SPATA1: variants seen among roughly 807,000 people sequenced by gnomAD.
SPATA1 encodes spermatogenesis-associated protein 1.
Under a neutral mutation model 59.6 loss-of-function variants are expected in SPATA1, and 57 were observed. That is an observed-to-expected ratio of 0.96 (90% CI 0.77 to 1.19). SPATA1 has a LOEUF of 1.19. SPATA1 is among the 50% of genes most tolerant of loss of function. The pLI, the probability that SPATA1 is intolerant of heterozygous loss-of-function variation, is 0.00. For synonymous variants in SPATA1, 147 were observed against 163.9 expected (o/e 0.90, Z 0.79); for missense variants, 448 against 480.7 (o/e 0.93, Z 0.64).
At position 84,548,750 on chromosome 1, in the gene SPATA1, C is replaced by CTTTT. The variant is rs56250726; in HGVS notation, c.947-8_947-5dup. On this transcript the variant is annotated intron_variant, in intron 10 of 12. Coordinates refer to ENST00000490879, the Ensembl canonical transcript of SPATA1. The stretch of plus-strand genomic sequence containing the variant: ...TTTAATACTCAAACGAAGGCCTTTC[C>CTTTT]TTTTTTTTTTTTTTTTTTTTTTTTT... 9.8e-5 allele frequency: 90 copies of CTTTT among 915,326 alleles called. 2 individuals are homozygous for CTTTT. In the East Asian group the frequency reaches 1.4e-3, roughly 14 times the overall value. The allele number at this position is 915,326 out of a possible 1,614,324, so 56.7% of individuals were successfully genotyped here. A position where few individuals can be genotyped will look rare whatever the true frequency, so the allele number is the denominator to read the frequency against.
At position 84,532,495 on chromosome 1, in the gene SPATA1, C is replaced by CA. The variant is rs113004820; in HGVS notation, c.545-353dup. Among the ~76,000 whole-genome samples the CA allele has an allele frequency of 4.7e-3, 682 of 145,954 alleles. 1 individual carries two copies. The highest frequency in any genetic ancestry group is 7.8e-3 in the Admixed American group (114 of 14,690). Reference sequence around the variant, plus strand: ...TGGGCGACAGAGCAAGTCTCTATCTCAAAAAAAAAAAATTATATTTCAGGA... The same window carrying CA: ...TGGGCGACAGAGCAAGTCTCTATCTCAAAAAAAAAAAAATTATATTTCAGGA... On this transcript the variant is annotated intron_variant, in intron 6 of 12. Coordinates refer to ENST00000490879, the Ensembl canonical transcript of SPATA1.
At chr1:84,522,394 T>C in exon 4 of SPATA1, 1 of 1,450,206 alleles carries the variant, frequency 6.9e-7, no homozygotes. Context: ...TTTCAGAGTA[T>C]CTCCTCAACT....
At chr1:84,557,828 AGCGTGG>A (rs1272188001), downstream of SPATA1, among the ~76,000 whole-genome samples, 2 of 150,964 alleles carry the variant, frequency 1.3e-5, no homozygotes, top group Non-Finnish European at 2.9e-5. Flanking sequence ...ACTGCACACC[AGCGTGG>A]GCGACATAGT....
chr1:84,527,995 T>G (rs1683301096), intron 6 of SPATA1, among the ~76,000 whole-genome samples: 1 of 152,198 alleles, frequency 6.6e-6, no homozygotes, highest in Non-Finnish European at 1.5e-5. Context: ...CCTCTCAAAG[T>G]GCTAGGATTA....
At chr1:84,561,763 A>G (rs1037692108) in intron 4 of SPATA1, among the ~76,000 whole-genome samples, 2 of 152,276 alleles carry the variant, frequency 1.3e-5, no homozygotes, top group Non-Finnish European at 2.9e-5. Context: ...CAAGCAGGTT[A>G]TAACTTGATA....
chr1:84,531,635 G>A (rs1215540537), intron 6 of SPATA1, among the ~76,000 whole-genome samples: 4 of 149,512 alleles, frequency 2.7e-5, no homozygotes, highest in Non-Finnish European at 4.4e-5. Flanking sequence ...GAACAGCAGG[G>A]TGATCATGGC....
intron 6 of SPATA1, among the ~76,000 whole-genome samples, chr1:84,532,321 C>T (rs777717839): frequency 2.0e-5 from 3 of 152,104 alleles, no homozygotes; most frequent in Non-Finnish European, 2.9e-5. Context: ...CCTGGTGAAA[C>T]CCTGTCTATA....
intron 4 of SPATA1, among the ~76,000 whole-genome samples, chr1:84,564,372 A>G (rs1357863834): frequency 2.6e-5 from 4 of 152,190 alleles, no homozygotes; most frequent in Non-Finnish European, 5.9e-5. Flanking sequence ...TTCTTGCCCA[A>G]TGCTGCAAAA....
chr1:84,519,597 C>A (rs569796637), intron 2 of SPATA1, among the ~76,000 whole-genome samples: 11 of 152,094 alleles, frequency 7.2e-5, no homozygotes, highest in African/African-American at 2.4e-4. Flanking sequence ...AGGGGTTAAT[C>A]TTTTAAGTGC....
chr1:84,551,724 A>G (rs547100752), intron 12 of SPATA1: 28 of 152,274 alleles, frequency 1.8e-4, no homozygotes, highest in African/African-American at 6.3e-4. Context: ...ATAATTTTTA[A>G]CAAAATATCA....
At chr1:84,541,713 G>A (rs985576811) in intron 8 of SPATA1, among the ~76,000 whole-genome samples, 2 of 149,516 alleles carry the variant, frequency 1.3e-5, no homozygotes, top group African/African-American at 4.9e-5. Context: ...TGGCGTGTTT[G>A]TTTTGATTTT....
rs72948465 is a variant in SPATA1 at position 84,507,573 on chromosome 1, T to C, written c.-138+1155T>C. The stretch of plus-strand genomic sequence containing the variant: ...AGAATGTGAAAGCTATCTCAATAAA[T>C]ATTGTCTTTTCCCAAAAGGTATTGT... On this transcript the variant is annotated intron_variant, in intron 1 of 12. Transcript: ENST00000490879. Among the ~76,000 whole-genome samples the C allele has an allele frequency of 7.3e-3, 1,107 of 152,344 alleles. 13 individuals are homozygous for C. Among genetic ancestry groups the C allele is most frequent in the African/African-American group, 0.025 (1,033 of 41,578 alleles).
chr1:84,532,529 A>G (rs1009635766), intron 6 of SPATA1, among the ~76,000 whole-genome samples: 9 of 152,018 alleles, frequency 5.9e-5, no homozygotes, highest in African/African-American at 2.2e-4. Flanking sequence ...GAAACCCCCA[A>G]CTTACCTACC....
At chr1:84,548,665 G>A in intron 10 of SPATA1, 121 bp from the exon 11 acceptor site, 3 of 1,198,024 alleles carry the variant, frequency 2.5e-6, no homozygotes, top group Non-Finnish European at 3.2e-6. Context: ...GAGAGAAAGA[G>A]GAAAATGGTT....
At chr1:84,548,168 TAAAGTAG>T (rs1349894450) in intron 10 of SPATA1, among the ~76,000 whole-genome samples, 1 of 152,144 alleles carries the variant, frequency 6.6e-6, no homozygotes, top group Non-Finnish European at 1.5e-5. Context: ...AATCACCTTA[TAAAGTAG>T]AATTTTTAAA....
At chr1:84,555,168 T>C (rs751093487), downstream of SPATA1, 3 of 1,613,668 alleles carry the variant, frequency 1.9e-6, no homozygotes, top group African/African-American at 2.7e-5. Context: ...AGGGTTATCA[T>C]ACCATACTTG....
intron 8 of SPATA1, among the ~76,000 whole-genome samples, chr1:84,537,229 A>G (rs1488243231): frequency 6.6e-6 from 1 of 152,160 alleles, no homozygotes; most frequent in Non-Finnish European, 1.5e-5. Flanking sequence ...AATTTACAGC[A>G]TTTTACTATA....
chr1:84,550,528 A>G, exon 12 of SPATA1: 1 of 1,527,276 alleles, frequency 6.5e-7, no homozygotes, highest in Non-Finnish European at 8.8e-7. Context: ...AGTAGAAGTT[A>G]AGGTAATTTA....
chr1:84,566,907 G>T (rs573909470), downstream of SPATA1, among the ~76,000 whole-genome samples: 4 of 152,178 alleles, frequency 2.6e-5, no homozygotes, highest in Non-Finnish European at 4.4e-5. Context: ...AGTGCTTACA[G>T]GCGTGAGCCA....
Sources: gnomAD v4.1 joint callset for allele counts (sites outside exome capture counted in the v4.1 genomes callset) on GRCh38, gnomAD v4.1.1 for gene constraint, MANE v1.5 for transcripts, NCBI Gene and HGNC (gene_info 2026-07-23, HGNC 2026-07-21) for gene names.